The following TACC1 variants were observed in gnomAD, a reference collection of about 807,000 sequenced individuals.
TACC1 encodes the protein transforming acidic coiled-coil-containing protein 1.
TACC1 carries 48 observed loss-of-function variants against 84.4 expected under a neutral mutation model. The observed-to-expected ratio is 0.57, with a 90% confidence interval of 0.45 to 0.72. The LOEUF (loss-of-function observed/expected upper bound fraction) is 0.72. TACC1 is among the 30% of genes least tolerant of loss of function. The pLI, the probability that TACC1 is intolerant of heterozygous loss-of-function variation, is 0.00. For missense variants in TACC1, 920 were observed against 973.0 expected, an observed-to-expected ratio of 0.95 and a Z score of 0.72; for synonymous variants, 372 against 376.3, an observed-to-expected ratio of 0.99 and a Z score of 0.13.
At chr8:38,754,921 G>A (rs1310927592) in intron 3 of TACC1, among the ~76,000 whole-genome samples, 2 of 152,198 alleles carry the variant, frequency 1.3e-5, no homozygotes, top group Admixed American at 6.5e-5. Context: ...CCAGCACTTC[G>A]GGAGGCCGAG....
chr8:38,788,556 C>G (rs1817869904), intron 1 of TACC1, 148 bp from the exon 2 acceptor site: 1 of 605,294 alleles, frequency 1.7e-6, no homozygotes, highest in African/African-American at 1.9e-5. Context: ...ACCGCAGTTG[C>G]CTCCCGCAGG....
chr8:38,771,806 G>T (rs1451495183), intron 3 of TACC1, among the ~76,000 whole-genome samples: 1 of 152,146 alleles, frequency 6.6e-6, no homozygotes, highest in East Asian at 1.9e-4. Flanking sequence ...TGCAATCATA[G>T]CTCACTGCAG....
At chr8:38,753,241 A>G (rs1809364651) in intron 3 of TACC1, among the ~76,000 whole-genome samples, 1 of 152,074 alleles carries the variant, frequency 6.6e-6, no homozygotes, top group African/African-American at 2.4e-5. Flanking sequence ...CTGTGACTGC[A>G]GGTGAGCCCC....
At chr8:38,731,107 T>G (rs1047719418) in intron 1 of TACC1, among the ~76,000 whole-genome samples, 1 of 152,124 alleles carries the variant, frequency 6.6e-6, no homozygotes, top group African/African-American at 2.4e-5. Context: ...TTTTAAATTT[T>G]TTAATTTTTG....
upstream of TACC1, among the ~76,000 whole-genome samples, chr8:38,786,394 G>A (rs1817142178): frequency 6.6e-6 from 1 of 152,182 alleles, no homozygotes; most frequent in Non-Finnish European, 1.5e-5. Context: ...TAGAAGTTAC[G>A]AAAAGAAAAT....
chr8:38,755,918 G>A lies in TACC1; in HGVS notation c.26+10425G>A, dbSNP rs181381375. ...CAACCTCCACTTCCTGGGTTCAAGC[G>A]ATTCTCCTGCCTCAGCCTCCTAAGT... On this transcript the variant is annotated intron_variant, in intron 3 of 14. Transcript: ENST00000518415. Among the ~76,000 whole-genome samples the A allele has an allele frequency of 9.9e-5, 15 of 151,846 alleles. No homozygotes were observed. In the East Asian group the frequency reaches 2.5e-3, roughly 26 times the overall value.
intron 3 of TACC1, among the ~76,000 whole-genome samples, chr8:38,777,255 C>CAAA (rs767145067): frequency 1.1e-5 from 1 of 88,268 alleles, no homozygotes; most frequent in African/African-American, 4.0e-5. Flanking sequence ...GACTCCATCT[C>CAAA]AAAAAAAAAA....
intron 5 of TACC1, among the ~76,000 whole-genome samples, chr8:38,828,804 C>T (rs1828666967): frequency 6.6e-6 from 1 of 152,184 alleles, no homozygotes; most frequent in South Asian, 2.1e-4. Context: ...TGAACCTCAT[C>T]ATTAGTAAAT....
At chr8:38,738,833 G>C (rs1298336982) in intron 1 of TACC1, among the ~76,000 whole-genome samples, 6 of 152,006 alleles carry the variant, frequency 3.9e-5, no homozygotes, top group Non-Finnish European at 2.9e-5. Context: ...GTTGATACTG[G>C]GGTGCCATTG....
chr8:38,834,584 G>A (rs932208790), intron 6 of TACC1, among the ~76,000 whole-genome samples: 3 of 152,156 alleles, frequency 2.0e-5, no homozygotes, highest in African/African-American at 7.2e-5. Flanking sequence ...TGTTGGCATG[G>A]TGGGCTGCCC....
chr8:38,820,616 G>A lies in TACC1; in HGVS notation c.1372G>A (p.Ala458Thr), dbSNP rs1345651663. ...VNEILESPKK[A>T]KSRLITSGCK... ...TGAAATCTTAGAATCACCCAAGAAG[G>A]CAAAGTCGCGTTTAATAACGTGAGT... Residue 458 changes from alanine to threonine, a missense_variant, in exon 3 of 13, where the codon GCA becomes ACA. Coordinates refer to ENST00000317827, the MANE Select transcript of TACC1 (RefSeq NM_006283.3). 23 of 1,607,630 alleles carry A rather than the reference G, an allele frequency of 1.4e-5. No homozygotes were observed. Among genetic ancestry groups the A allele is most frequent in the Non-Finnish European group, 1.6e-5 (19 of 1,179,476 alleles).
chr8:38,835,411 G>A (rs565647185), intron 6 of TACC1, among the ~76,000 whole-genome samples: 1 of 152,384 alleles, frequency 6.6e-6, no homozygotes, highest in African/African-American at 2.4e-5. Context: ...GCTCCTCAGA[G>A]CTTCTGAGCC....
chr8:38,779,082 C>T (rs761564106), intron 3 of TACC1, among the ~76,000 whole-genome samples: 5 of 151,646 alleles, frequency 3.3e-5, no homozygotes, highest in Admixed American at 1.3e-4. Context: ...TGGGCTCAAG[C>T]GATCCTCCTG....
chr8:38,850,222 C>T lies in TACC1; in HGVS notation c.*2199C>T, dbSNP rs959090584. ...TGCACAGGGAGCACCAAAGGACCTT[C>T]GTTAAGTGATAATTGTCCTGGCCTC... On this transcript the variant is annotated 3_prime_UTR_variant, in exon 13 of 13. Coordinates refer to ENST00000317827, the MANE Select transcript of TACC1 (RefSeq NM_006283.3). 1 of 152,442 alleles carries T rather than the reference C, an allele frequency of 6.6e-6. No homozygotes were observed. The highest frequency in any genetic ancestry group is 1.5e-5 in the Non-Finnish European group (1 of 68,042). The allele number at this position is 152,442 out of a possible 1,614,324, so 9.4% of individuals were successfully genotyped here.
intron 12 of TACC1, 65 bp downstream of exon 12, chr8:38,846,884 C>T: frequency 6.3e-7 from 1 of 1,579,604 alleles, no homozygotes; most frequent in Non-Finnish European, 8.6e-7. Context: ...AGCAGTGACT[C>T]ACTTAATGAC....
At chr8:38,756,977 G>A (rs1352160434) in intron 3 of TACC1, among the ~76,000 whole-genome samples, 3 of 152,138 alleles carry the variant, frequency 2.0e-5, no homozygotes, top group African/African-American at 7.2e-5. Context: ...GCGGAGTCCC[G>A]GGGGCGCCCG....
chr8:38,827,155 T>C lies in TACC1; in HGVS notation c.1453-13T>C, dbSNP rs1406794163. 1.5e-5 allele frequency: 24 copies of C among 1,611,152 alleles called. No homozygotes were observed. Among genetic ancestry groups the C allele is most frequent in the Non-Finnish European group, 2.0e-5 (23 of 1,178,768 alleles). On this transcript the variant is annotated splice_polypyrimidine_tract_variant and intron_variant, in intron 4 of 12. Coordinates refer to ENST00000317827, the MANE Select transcript of TACC1 (RefSeq NM_006283.3). ...CTCCTAAAGGGTAGCATCTTCTCTG[T>C]TGTGTTTCTCAGGATGAAGGGGCAG...
At chr8:38,742,649 T>C (rs1263089445) in intron 2 of TACC1, among the ~76,000 whole-genome samples, 1 of 152,218 alleles carries the variant, frequency 6.6e-6, no homozygotes, top group Non-Finnish European at 1.5e-5. Context: ...TGCTACTAAC[T>C]ATAACTTGGG....
chr8:38,792,757 G>A (rs577335781), intron 2 of TACC1, among the ~76,000 whole-genome samples: 14 of 152,212 alleles, frequency 9.2e-5, no homozygotes, highest in African/African-American at 3.1e-4. Flanking sequence ...GAGCCACCAC[G>A]CCTGGCCAGT....
Sources: allele counts gnomAD v4.1 joint callset (sites outside exome capture counted in the v4.1 genomes callset), GRCh38; gene constraint gnomAD v4.1.1; transcripts MANE v1.5; gene names NCBI Gene and HGNC (gene_info 2026-07-23, HGNC 2026-07-21).